Variants in HS3ST4 observed in about 807,000 individuals in gnomAD.
HS3ST4 encodes the protein heparan sulfate-glucosamine 3-sulfotransferase 4.
Under a neutral mutation model 29.2 loss-of-function variants are expected in HS3ST4, and 17 were observed. That is an observed-to-expected ratio of 0.58 (90% confidence interval 0.40 to 0.87). The LOEUF (loss-of-function observed/expected upper bound fraction) is 0.87, where lower values mean the gene tolerates loss of function less well. HS3ST4 is among the 40% of genes least tolerant of loss of function. The pLI, the probability that HS3ST4 is intolerant of heterozygous loss-of-function variation, is 0.00. For synonymous variants in HS3ST4, 314 were observed against 285.7 expected, an observed-to-expected ratio of 1.10 and a Z score of -1.00; for missense variants, 627 against 634.5, an observed-to-expected ratio of 0.99 and a Z score of 0.13.
At chr16:25,744,601 G>T (rs911921813) in intron 1 of HS3ST4, among the ~76,000 whole-genome samples, 2 of 152,028 alleles carry the variant, frequency 1.3e-5, no homozygotes, top group Non-Finnish European at 2.9e-5. Flanking sequence ...GATCAAGATG[G>T]CTACTGGGAC....
At chr16:26,067,506 C>T (rs1164435271) in intron 1 of HS3ST4, among the ~76,000 whole-genome samples, 2 of 152,094 alleles carry the variant, frequency 1.3e-5, no homozygotes, top group Admixed American at 6.6e-5. Flanking sequence ...CCCACCACCC[C>T]CCACCCCAGC....
intron 1 of HS3ST4, among the ~76,000 whole-genome samples, chr16:25,911,695 G>T (rs1968241827): frequency 6.6e-6 from 1 of 151,804 alleles, no homozygotes; most frequent in Non-Finnish European, 1.5e-5. Context: ...TTTTTGTAGA[G>T]ATGGGACCTC....
At chr16:26,085,518 A>G (rs571854360) in intron 1 of HS3ST4, among the ~76,000 whole-genome samples, 2 of 114,388 alleles carry the variant, frequency 1.7e-5, no homozygotes, top group South Asian at 6.0e-4. Context: ...ACATATATAT[A>G]TATATGTTAT....
intron 1 of HS3ST4, among the ~76,000 whole-genome samples, chr16:25,831,296 A>G (rs1168672547): frequency 6.6e-6 from 1 of 152,036 alleles, no homozygotes; most frequent in Admixed American, 6.6e-5. Context: ...GGCATGGTAG[A>G]TCACACCTGT....
intron 1 of HS3ST4, among the ~76,000 whole-genome samples, chr16:25,882,458 G>A (rs1967903774): frequency 6.6e-6 from 1 of 152,166 alleles, no homozygotes; most frequent in African/African-American, 2.4e-5. Flanking sequence ...ATGGCAGGCA[G>A]TTTCAGGCAC....
At chr16:26,112,840 T>C (rs1464107094) in intron 1 of HS3ST4, among the ~76,000 whole-genome samples, 10 of 152,160 alleles carry the variant, frequency 6.6e-5, no homozygotes, top group Admixed American at 6.5e-4. Flanking sequence ...AAGAGTCAGA[T>C]GAATGTGAAC....
chr16:25,901,216 A>G (rs1031494942), intron 1 of HS3ST4, among the ~76,000 whole-genome samples: 6 of 151,990 alleles, frequency 3.9e-5, no homozygotes, highest in African/African-American at 1.5e-4. Context: ...CTGCCCTAAG[A>G]CTTAGTAGCT....
chr16:25,827,871 A>G (rs1183607286), intron 1 of HS3ST4, among the ~76,000 whole-genome samples: 3 of 152,220 alleles, frequency 2.0e-5, no homozygotes, highest in Non-Finnish European at 2.9e-5. Flanking sequence ...CAGATGAGGA[A>G]GCTTGTCACA....
intron 1 of HS3ST4, among the ~76,000 whole-genome samples, chr16:25,947,390 A>G (rs971438978): frequency 3.9e-5 from 6 of 152,008 alleles, no homozygotes; most frequent in Non-Finnish European, 7.4e-5. Flanking sequence ...CCTCCGCAAA[A>G]ACTCCAAATC....
At chr16:25,840,970 GTTTGTTTATTTATTTA>G (rs200717600) in intron 1 of HS3ST4, among the ~76,000 whole-genome samples, 12,665 of 129,164 alleles carry the variant, frequency 0.098, 723 homozygotes, top group East Asian at 0.25. Flanking sequence ...ATTTATATTT[GTTTGTTTATTTATTTA>G]TTTATTTATT....
intron 1 of HS3ST4, among the ~76,000 whole-genome samples, chr16:25,759,697 G>A (rs1180233656): frequency 6.6e-6 from 1 of 152,172 alleles, no homozygotes; most frequent in East Asian, 1.9e-4. Context: ...GCTGAGGTGG[G>A]GAGGATCGCT....
chr16:26,125,684 A>G (rs9937095), intron 1 of HS3ST4, among the ~76,000 whole-genome samples: 62,138 of 152,106 alleles, frequency 0.41, 13,947 homozygotes, highest in African/African-American at 0.6. Flanking sequence ...TCCTTAGTCC[A>G]CCTTCTATGT....
chr16:26,124,980 C>T (rs1899323492), intron 1 of HS3ST4, among the ~76,000 whole-genome samples: 1 of 152,244 alleles, frequency 6.6e-6, no homozygotes, highest in South Asian at 2.1e-4. Flanking sequence ...ATGGCATAGG[C>T]AGTGTCCTTA....
intron 1 of HS3ST4, among the ~76,000 whole-genome samples, chr16:26,044,728 G>A (rs1466599141): frequency 6.6e-6 from 1 of 152,136 alleles, no homozygotes; most frequent in South Asian, 2.1e-4. Context: ...CCAGGCAGGG[G>A]CATCTGCAGG....
At chr16:26,006,564 T>G (rs1414580827) in intron 1 of HS3ST4, among the ~76,000 whole-genome samples, 1 of 152,032 alleles carries the variant, frequency 6.6e-6, no homozygotes, top group East Asian at 1.9e-4. Flanking sequence ...TCCTGAAAAT[T>G]TCAAGGATAG....
In HS3ST4 at chr16:26,064,201, A is replaced by T. The variant is rs947029890; in HGVS notation, c.735-71411A>T. 1.1e-4 allele frequency among the ~76,000 whole-genome samples: 16 copies of T among 152,210 alleles called. 1 individual carries two copies. Among genetic ancestry groups the T allele is most frequent in the Admixed American group, 7.2e-4 (11 of 15,288 alleles). On this transcript the variant is annotated intron_variant, in intron 1 of 1. Transcript: ENST00000331351. ...CTCTCTCCAATAGATGTCATACAGG[A>T]GGGAATGCCCAGTGTAGCCAAATCT...
chr16:25,869,444 T>C (rs1176910084), intron 1 of HS3ST4, among the ~76,000 whole-genome samples: 1 of 152,170 alleles, frequency 6.6e-6, no homozygotes, highest in Non-Finnish European at 1.5e-5. Flanking sequence ...CATGTAAACA[T>C]TGTAGCTTTG....
intron 1 of HS3ST4, among the ~76,000 whole-genome samples, chr16:25,948,250 A>T (rs965236982): frequency 2.0e-5 from 3 of 152,170 alleles, no homozygotes; most frequent in Non-Finnish European, 4.4e-5. Flanking sequence ...ATATTCTGCC[A>T]TGAAACGTGA....
At chr16:26,032,849 A>G in intron 1 of HS3ST4, 1 of 1,563,274 alleles carries the variant, frequency 6.4e-7, no homozygotes, top group Non-Finnish European at 8.7e-7. Flanking sequence ...TAGGTGCTGG[A>G]CGCGGGATGC....
Sources: allele counts gnomAD v4.1 joint callset (sites outside exome capture counted in the v4.1 genomes callset), GRCh38; gene constraint gnomAD v4.1.1; transcripts MANE v1.5; gene names NCBI Gene and HGNC (gene_info 2026-07-23, HGNC 2026-07-21).